Variants in CSMD3 observed in about 807,000 individuals in gnomAD.
CSMD3 encodes the protein CUB and sushi domain-containing protein 3.
CSMD3 carries 177 observed loss-of-function variants against 435.2 expected under a neutral mutation model. The observed-to-expected ratio is 0.41, with a 90% confidence interval of 0.36 to 0.46. CSMD3 has a LOEUF of 0.46. Ranked by LOEUF, CSMD3 falls within the 20% of genes least tolerant of loss-of-function variation. The probability of loss-of-function intolerance (pLI) is 0.34; values close to 1 mark genes in which losing one functional copy is unlikely to be tolerated. For missense variants in CSMD3, 4,265 were observed against 4,504.6 expected (o/e 0.95, Z 1.52); for synonymous variants, 1,656 against 1,520.5 (o/e 1.09, Z -2.07).
intron 11 of CSMD3, among the ~76,000 whole-genome samples, chr8:112,846,865 T>C (rs2432736): frequency 0.15 from 22,675 of 152,062 alleles, 1,957 homozygotes; most frequent in Middle Eastern, 0.28. Context: ...ATAGTTAAGG[T>C]ACTGCTATAC....
intron 69 of CSMD3, 136 bp downstream of exon 69, chr8:112,231,409 A>C: frequency 2.9e-6 from 2 of 697,700 alleles, no homozygotes; most frequent in South Asian, 3.2e-5. Context: ...GGGCTATCAA[A>C]GGTATCAATG....
intron 3 of CSMD3, among the ~76,000 whole-genome samples, chr8:113,228,892 T>C (rs2093055550): frequency 6.6e-6 from 1 of 151,648 alleles, no homozygotes; most frequent in Non-Finnish European, 1.5e-5. Context: ...AAGCATTTTC[T>C]TCCTACTCCA....
At chr8:113,075,159 A>G (rs1027958223) in intron 5 of CSMD3, among the ~76,000 whole-genome samples, 3 of 151,796 alleles carry the variant, frequency 2.0e-5, no homozygotes, top group Non-Finnish European at 4.4e-5. Context: ...CACTTGGGTA[A>G]TACTGAAGAT....
At chr8:113,066,876 G>A (rs1182178664) in intron 5 of CSMD3, among the ~76,000 whole-genome samples, 1 of 152,038 alleles carries the variant, frequency 6.6e-6, no homozygotes, top group Non-Finnish European at 1.5e-5. Context: ...TGCTTTGTAA[G>A]TCTAATATGC....
intron 11 of CSMD3, among the ~76,000 whole-genome samples, chr8:112,830,827 C>T (rs1221450007): frequency 1.4e-5 from 2 of 146,290 alleles, no homozygotes; most frequent in Non-Finnish European, 3.0e-5. Flanking sequence ...TGCTCTGTCA[C>T]TCAGGCTAGA....
chr8:113,089,817 T>C (rs547626592), intron 5 of CSMD3, among the ~76,000 whole-genome samples: 1 of 152,206 alleles, frequency 6.6e-6, no homozygotes, highest in South Asian at 2.1e-4. Context: ...CATATCATCT[T>C]ATAAGGTCTG....
intron 13 of CSMD3, among the ~76,000 whole-genome samples, chr8:112,729,553 C>T (rs1174299375): frequency 3.9e-5 from 6 of 152,088 alleles, no homozygotes; most frequent in East Asian, 3.9e-4. Flanking sequence ...GTTAACTTTT[C>T]GGAAAAATGA....
At position 113,241,604 on chromosome 8, in the gene CSMD3, GA is replaced by G. The variant is rs34590401; in HGVS notation, c.514+36987del. ...TATTTGGATGCCTGTATTTTTTGCTGAAAAAAAAAAAAGAATGTCTCAGTAC... is the reference window on the plus strand; with the variant it reads ...TATTTGGATGCCTGTATTTTTTGCTGAAAAAAAAAAAGAATGTCTCAGTAC... On this transcript the variant is annotated intron_variant, in intron 3 of 70. Transcript: ENST00000297405. 9.7e-3 allele frequency among the ~76,000 whole-genome samples: 1,372 copies of G among 141,306 alleles called. 21 individuals are homozygous for G. Among genetic ancestry groups the G allele is most frequent in the African/African-American group, 0.032 (1,226 of 38,542 alleles). The allele number at this position is 141,306 out of a possible 152,430, so 92.7% of individuals were successfully genotyped here.
In CSMD3 at chr8:112,771,965, T is replaced by C. The variant is rs142742075; in HGVS notation, c.1972+28197A>G. ...AAATCAAATATACTCAAACACACAA[T>C]TGAAGATATAAAAACTTCCTTGAAT... On this transcript the variant is annotated intron_variant, in intron 13 of 70. Coordinates refer to ENST00000297405, the MANE Select transcript of CSMD3 (RefSeq NM_198123.2). 4.6e-3 allele frequency among the ~76,000 whole-genome samples: 702 copies of C among 152,046 alleles called. 10 individuals are homozygous for C. The highest frequency in any genetic ancestry group is 0.016 in the African/African-American group (669 of 41,492).
At chr8:112,649,315 G>A (rs904032178) in intron 19 of CSMD3, among the ~76,000 whole-genome samples, 11 of 152,170 alleles carry the variant, frequency 7.2e-5, no homozygotes, top group Admixed American at 1.3e-4. Context: ...AAAGGAAGAT[G>A]TTTTGATGAG....
At chr8:112,678,562 A>G (rs1218028565) in intron 16 of CSMD3, among the ~76,000 whole-genome samples, 2 of 152,162 alleles carry the variant, frequency 1.3e-5, no homozygotes, top group Non-Finnish European at 2.9e-5. Flanking sequence ...AAGCCAAGTA[A>G]TGATGCTAAG....
chr8:113,418,721 T>C (rs1050803071), intron 1 of CSMD3, among the ~76,000 whole-genome samples: 2 of 152,182 alleles, frequency 1.3e-5, no homozygotes, highest in African/African-American at 4.8e-5. Context: ...AGATTATATA[T>C]CGGAAGCAGT....
intron 53 of CSMD3, among the ~76,000 whole-genome samples, chr8:112,297,678 A>G (rs1820449341): frequency 6.6e-6 from 1 of 152,210 alleles, no homozygotes; most frequent in African/African-American, 2.4e-5. Flanking sequence ...AAACTGTTCT[A>G]TACTCAGGTA....
intron 1 of CSMD3, among the ~76,000 whole-genome samples, chr8:113,349,509 C>G (rs1302658305): frequency 1.3e-5 from 2 of 152,050 alleles, no homozygotes; most frequent in Admixed American, 1.3e-4. Context: ...AGGCTGGGCA[C>G]AGTGGCTCAT....
At chr8:113,242,606 C>G (rs138700594) in intron 3 of CSMD3, among the ~76,000 whole-genome samples, 23 of 152,104 alleles carry the variant, frequency 1.5e-4, no homozygotes, top group Middle Eastern at 3.4e-3. Context: ...TGTGAAAACT[C>G]ATCCTTTGGT....
At chr8:113,304,919 A>AT (rs2093806380) in intron 2 of CSMD3, among the ~76,000 whole-genome samples, 1 of 147,650 alleles carries the variant, frequency 6.8e-6, no homozygotes, top group Non-Finnish European at 1.5e-5. Context: ...TATAATAAAA[A>AT]AAAAAAAAAA....
rs543235009 is a variant in CSMD3 at position 113,077,960 on chromosome 8, TTAAA to T, written c.917+20792_917+20795del. Among the ~76,000 whole-genome samples the T allele has an allele frequency of 4.1e-4, 62 of 152,250 alleles. 1 individual carries two copies. The South Asian group carries it at 0.012, about 30-fold the overall frequency. ...ATTAAATCAAATTAAATTTTAGAAA[TTAAA>T]TGTAAACAAAAGCATGAAAAGACAT... On this transcript the variant is annotated intron_variant, in intron 5 of 70. Coordinates refer to ENST00000297405, the MANE Select transcript of CSMD3 (RefSeq NM_198123.2).
intron 13 of CSMD3, among the ~76,000 whole-genome samples, chr8:112,735,240 T>C (rs2077161768): frequency 2.0e-5 from 3 of 152,036 alleles, no homozygotes; most frequent in Non-Finnish European, 4.4e-5. Flanking sequence ...TTAATGACTA[T>C]TGAGAATCAA....
At chr8:112,480,921 T>G (rs900452493) in intron 31 of CSMD3, among the ~76,000 whole-genome samples, 2 of 152,252 alleles carry the variant, frequency 1.3e-5, no homozygotes, top group Admixed American at 6.5e-5. Context: ...TTCTTGTTCT[T>G]TATTCTTCTA....
Sources: gnomAD v4.1 joint callset for allele counts (sites outside exome capture counted in the v4.1 genomes callset) on GRCh38, gnomAD v4.1.1 for gene constraint, MANE v1.5 for transcripts, NCBI Gene and HGNC (gene_info 2026-07-23, HGNC 2026-07-21) for gene names.